The following POGZ variants were observed in gnomAD, a reference collection of about 807,000 sequenced individuals.
POGZ encodes the protein pogo transposable element derived with ZNF domain.
In POGZ, 17 loss-of-function variants were observed where a neutral mutation model predicts 134.6. That is an observed-to-expected ratio of 0.13 (90% confidence interval 0.09 to 0.19). POGZ has a LOEUF of 0.19. Ranked by LOEUF, POGZ falls within the 10% of genes least tolerant of loss-of-function variation. The pLI, the probability that POGZ is intolerant of heterozygous loss-of-function variation, is 1.00. For synonymous variants in POGZ, 693 were observed against 657.1 expected, an observed-to-expected ratio of 1.05 and a Z score of -0.84; for missense variants, 1,306 against 1,769.7, an observed-to-expected ratio of 0.74 and a Z score of 4.70.
chr1:151,406,418 T>C lies in POGZ; in HGVS notation c.2617A>G (p.Met873Val). The part of the protein sequence containing the change: ...DRVHDRNVKN[M>V]YPPPSFPTNK... ...GTGGGGAAGGAAGGAGGAGGGTACA[T>C]ATTCTTCACGTTCCGGTCATGCACT... The change falls in exon 19 of 19, where the codon ATG becomes GTG. Residue 873 changes from methionine to valine, a missense_variant. Met to Val is a conservative substitution (Grantham distance 21). Transcript: ENST00000271715. 3 of 1,560,734 alleles carry C rather than the reference T, an allele frequency of 1.9e-6. No individual in the cohort carries two copies. The East Asian group carries it at 6.7e-5, about 35-fold the overall frequency.
At chr1:151,423,353 C>T (rs368660854) in intron 10 of POGZ, 44 bp downstream of exon 10, 207 of 1,522,128 alleles carry the variant, frequency 1.4e-4, no homozygotes, top group Admixed American at 2.2e-4. Flanking sequence ...AATGAGTGAA[C>T]AGCAAGGTAT....
chr1:151,407,551 T>C (rs1366358328), intron 15 of POGZ, among the ~76,000 whole-genome samples: 1 of 152,196 alleles, frequency 6.6e-6, no homozygotes, highest in Non-Finnish European at 1.5e-5. Context: ...TCCCACCTAA[T>C]ACTACTGGTA....
chr1:151,441,971 C>T (rs946450279), intron 2 of POGZ, 110 bp downstream of exon 2: 11 of 733,858 alleles, frequency 1.5e-5, no homozygotes, highest in Admixed American at 2.7e-5. Flanking sequence ...AGTGCCACAA[C>T]GAGGTCTCCC....
chr1:151,419,406 T>C (rs1418048353), intron 10 of POGZ, among the ~76,000 whole-genome samples: 2 of 151,290 alleles, frequency 1.3e-5, no homozygotes, highest in African/African-American at 4.9e-5. Flanking sequence ...TCACAGCACT[T>C]TGAGGCTGAG....
intron 11 of POGZ, among the ~76,000 whole-genome samples, chr1:151,412,005 C>CT (rs1293483242): frequency 1.3e-5 from 2 of 152,104 alleles, no homozygotes; most frequent in Non-Finnish European, 2.9e-5. Context: ...TGTTCTCTAA[C>CT]TAAGAAAAAT....
intron 10 of POGZ, among the ~76,000 whole-genome samples, chr1:151,423,193 C>G (rs1261793259): frequency 6.6e-6 from 1 of 152,110 alleles, no homozygotes. Context: ...TAACACTGAA[C>G]TCAATCCATG....
At position 151,452,697 on chromosome 1, in the gene POGZ, C is replaced by T. The variant is rs187631920; in HGVS notation, c.-2+6455G>A. Among the ~76,000 whole-genome samples the T allele has an allele frequency of 2.7e-4, 41 of 152,016 alleles. 1 individual carries two copies. In the East Asian group the frequency reaches 8.0e-3, roughly 30 times the overall value. The stretch of plus-strand genomic sequence containing the variant: ...TGGCCAACACAGTGAAACCCCGTCT[C>T]TACTAAAAATACAAAAATTAGCCAT... On this transcript the variant is annotated intron_variant, in intron 1 of 18. Transcript: ENST00000271715.
At chr1:151,449,672 G>A (rs968667270) in intron 1 of POGZ, among the ~76,000 whole-genome samples, 9 of 152,180 alleles carry the variant, frequency 5.9e-5, no homozygotes, top group Non-Finnish European at 1.2e-4. Flanking sequence ...CGAGGTGGGC[G>A]GATCACGAGG....
At chr1:151,435,653 C>A (rs187600643) in intron 3 of POGZ, among the ~76,000 whole-genome samples, 2 of 151,914 alleles carry the variant, frequency 1.3e-5, no homozygotes, top group Admixed American at 6.6e-5. Context: ...CCACCACACT[C>A]GCCTAATTTT....
chr1:151,457,849 C>T (rs1221905089), intron 1 of POGZ, among the ~76,000 whole-genome samples: 2 of 152,108 alleles, frequency 1.3e-5, no homozygotes, highest in East Asian at 3.9e-4. Flanking sequence ...ATCACTGGAA[C>T]CCGGCAGGCG....
chr1:151,450,023 ATTTTTTTTTT>A (rs1171783071), intron 1 of POGZ, among the ~76,000 whole-genome samples: 6 of 74,326 alleles, frequency 8.1e-5, no homozygotes, highest in Non-Finnish European at 1.4e-4. Flanking sequence ...GTGAAACTTG[ATTTTTTTTTT>A]TTTTTTTTTT....
At chr1:151,449,470 G>T (rs139236014) in intron 1 of POGZ, among the ~76,000 whole-genome samples, 1 of 151,976 alleles carries the variant, frequency 6.6e-6, no homozygotes, top group South Asian at 2.1e-4. Context: ...GAGATTATCC[G>T]ACCCTAAATG....
At chr1:151,415,670 CAAA>C (rs749459920) in intron 10 of POGZ, among the ~76,000 whole-genome samples, 3 of 54,272 alleles carry the variant, frequency 5.5e-5, no homozygotes. Flanking sequence ...GACTCCGTCT[CAAA>C]AAAAAAAAAA....
intron 10 of POGZ, 122 bp from the exon 11 acceptor site, chr1:151,412,518 C>T (rs1248811669): frequency 3.3e-6 from 2 of 611,584 alleles, no homozygotes; most frequent in Non-Finnish European, 5.8e-6. Flanking sequence ...AATCATAGGT[C>T]CCTTCTGTTC....
chr1:151,432,386 T>C (rs1197461830), intron 3 of POGZ, among the ~76,000 whole-genome samples: 1 of 152,142 alleles, frequency 6.6e-6, no homozygotes, highest in Admixed American at 6.5e-5. Flanking sequence ...TGGCTTATCT[T>C]ATACTCTCTC....
At chr1:151,439,508 A>G (rs898375604) in intron 3 of POGZ, among the ~76,000 whole-genome samples, 2 of 152,236 alleles carry the variant, frequency 1.3e-5, no homozygotes, top group East Asian at 3.8e-4. Flanking sequence ...AACGTCTATC[A>G]AATTATAAAC....
intron 1 of POGZ, among the ~76,000 whole-genome samples, chr1:151,456,577 T>C (rs1662800814): frequency 6.6e-6 from 1 of 152,208 alleles, no homozygotes; most frequent in African/African-American, 2.4e-5. Context: ...CACACCTCCC[T>C]AGGCAGCATA....
At chr1:151,409,434 G>A (rs1253409033) in intron 12 of POGZ, among the ~76,000 whole-genome samples, 2 of 151,964 alleles carry the variant, frequency 1.3e-5, no homozygotes, top group Non-Finnish European at 2.9e-5. Context: ...GAGTGCAGTG[G>A]CATGTTCATA....
At chr1:151,411,421 A>G (rs1214775977) in intron 12 of POGZ, among the ~76,000 whole-genome samples, 1 of 152,140 alleles carries the variant, frequency 6.6e-6, no homozygotes, top group Admixed American at 6.5e-5. Flanking sequence ...TTCATGTTTT[A>G]TTGTATTGTT....
Sources: gnomAD v4.1 joint callset for allele counts (sites outside exome capture counted in the v4.1 genomes callset) on GRCh38, gnomAD v4.1.1 for gene constraint, MANE v1.5 for transcripts, NCBI Gene and HGNC (gene_info 2026-07-23, HGNC 2026-07-21) for gene names.